SEMA3E: variants seen among roughly 807,000 people sequenced by gnomAD.
SEMA3E encodes the protein semaphorin-3E.
A neutral mutation model predicts 93.6 loss-of-function variants in SEMA3E; 49 were observed. That is an observed-to-expected ratio of 0.52 (90% CI 0.42 to 0.66). SEMA3E has a LOEUF of 0.66. Ranked by LOEUF, SEMA3E falls within the 30% of genes least tolerant of loss-of-function variation. The pLI is 0.00. For missense variants in SEMA3E, 906 were observed against 964.8 expected, an observed-to-expected ratio of 0.94 and a Z score of 0.81; for synonymous variants, 363 against 330.7, an observed-to-expected ratio of 1.10 and a Z score of -1.06.
intron 4 of SEMA3E, among the ~76,000 whole-genome samples, chr7:83,432,686 C>T (rs975322653): frequency 1.3e-5 from 2 of 151,980 alleles, no homozygotes; most frequent in African/African-American, 2.4e-5. Flanking sequence ...TTAATTAGTG[C>T]CATGATTTTG....
At chr7:83,579,336 G>A (rs924800290) in intron 1 of SEMA3E, among the ~76,000 whole-genome samples, 1 of 152,062 alleles carries the variant, frequency 6.6e-6, no homozygotes, top group Non-Finnish European at 1.5e-5. Context: ...TAGCAGAACA[G>A]CTTCAGGTAT....
intron 1 of SEMA3E, among the ~76,000 whole-genome samples, chr7:83,537,088 C>G (rs1791424346): frequency 6.6e-6 from 1 of 151,836 alleles, no homozygotes; most frequent in Non-Finnish European, 1.5e-5. Flanking sequence ...CCTCTCTCTT[C>G]CTCTCTTCCC....
chr7:83,429,208 T>A (rs1020549194), intron 4 of SEMA3E, among the ~76,000 whole-genome samples: 1 of 152,048 alleles, frequency 6.6e-6, no homozygotes, highest in Admixed American at 6.5e-5. Context: ...ATTCAGCACA[T>A]AAATATAATA....
rs559092200 is a variant in SEMA3E, at chr7:83,563,920, T to C, written c.116-73646A>G. Among the ~76,000 whole-genome samples, 5 of 152,276 alleles carry C rather than the reference T, an allele frequency of 3.3e-5. No individual in the cohort carries two copies. The East Asian group carries it at 9.7e-4, about 29-fold the overall frequency. On this transcript the variant is annotated intron_variant, in intron 1 of 16. Coordinates refer to ENST00000643230, the MANE Select transcript of SEMA3E (RefSeq NM_012431.3). ...TCACTTCACCAAAAAATAAATATAA[T>C]TAATCAATTTTAAATTTTATATGAA...
At chr7:83,527,060 A>G (rs2115709580) in intron 1 of SEMA3E, among the ~76,000 whole-genome samples, 1 of 152,164 alleles carries the variant, frequency 6.6e-6, no homozygotes, top group Non-Finnish European at 1.5e-5. Flanking sequence ...CTTGTAAGGG[A>G]AGGGGAATTT....
intron 1 of SEMA3E, among the ~76,000 whole-genome samples, chr7:83,509,035 G>A (rs1790760416): frequency 6.6e-6 from 1 of 152,090 alleles, no homozygotes; most frequent in South Asian, 2.1e-4. Context: ...AGGGCCCCTT[G>A]AGCCCAATTA....
At chr7:83,566,210 G>A (rs1255045271) in intron 1 of SEMA3E, among the ~76,000 whole-genome samples, 3 of 148,832 alleles carry the variant, frequency 2.0e-5, no homozygotes, top group Non-Finnish European at 4.4e-5. Flanking sequence ...GTTTTACCGT[G>A]CTGGTCAGGA....
At chr7:83,632,205 A>C (rs912713178) in intron 1 of SEMA3E, among the ~76,000 whole-genome samples, 13 of 152,240 alleles carry the variant, frequency 8.5e-5, no homozygotes, top group Non-Finnish European at 1.9e-4. Context: ...CTATTCTGTA[A>C]ACAAAGCAAG....
At chr7:83,552,199 C>A (rs949688511) in intron 1 of SEMA3E, among the ~76,000 whole-genome samples, 1 of 152,168 alleles carries the variant, frequency 6.6e-6, no homozygotes, top group African/African-American at 2.4e-5. Context: ...GGACCCTGAA[C>A]AGAGGGACCG....
chr7:83,477,130 C>T (rs896920218), intron 2 of SEMA3E, among the ~76,000 whole-genome samples: 5 of 151,980 alleles, frequency 3.3e-5, no homozygotes, highest in African/African-American at 9.7e-5. Flanking sequence ...AACAAACTAA[C>T]GAATATGAAA....
chr7:83,543,430 CAG>C (rs1169692017), intron 1 of SEMA3E, among the ~76,000 whole-genome samples: 3 of 151,880 alleles, frequency 2.0e-5, no homozygotes, highest in Non-Finnish European at 2.9e-5. Flanking sequence ...TCTCTGATTC[CAG>C]AGAGACTGCC....
intron 1 of SEMA3E, among the ~76,000 whole-genome samples, chr7:83,579,417 G>A (rs548606880): frequency 6.6e-6 from 1 of 152,058 alleles, no homozygotes; most frequent in African/African-American, 2.4e-5. Flanking sequence ...AGAGAAATTT[G>A]TTTTAAAGGA....
intron 1 of SEMA3E, among the ~76,000 whole-genome samples, chr7:83,542,698 T>C (rs1010814916): frequency 2.6e-5 from 4 of 152,084 alleles, no homozygotes; most frequent in African/African-American, 7.2e-5. Context: ...CTAACACAGA[T>C]TGTGTTCTTC....
At chr7:83,559,657 T>A (rs1380822015) in intron 1 of SEMA3E, among the ~76,000 whole-genome samples, 3 of 152,018 alleles carry the variant, frequency 2.0e-5, no homozygotes, top group African/African-American at 7.2e-5. Flanking sequence ...GGATGACAAT[T>A]TGGCAGTTCC....
At chr7:83,573,628 T>C (rs1792333170) in intron 1 of SEMA3E, among the ~76,000 whole-genome samples, 1 of 152,032 alleles carries the variant, frequency 6.6e-6, no homozygotes, top group African/African-American at 2.4e-5. Flanking sequence ...TTCTTCATTA[T>C]TTGCAATTAA....
At chr7:83,623,568 G>T (rs912628639) in intron 1 of SEMA3E, among the ~76,000 whole-genome samples, 2 of 150,632 alleles carry the variant, frequency 1.3e-5, no homozygotes, top group African/African-American at 4.9e-5. Flanking sequence ...TTTCTTAACT[G>T]TCAATAAAAG....
intron 16 of SEMA3E, among the ~76,000 whole-genome samples, chr7:83,373,559 A>G (rs1340508635): frequency 6.6e-6 from 1 of 152,156 alleles, no homozygotes; most frequent in Non-Finnish European, 1.5e-5. Flanking sequence ...ATTGTTTAAA[A>G]GCTCATTCGG....
intron 4 of SEMA3E, among the ~76,000 whole-genome samples, chr7:83,431,426 A>C (rs1384070014): frequency 6.6e-6 from 1 of 152,058 alleles, no homozygotes; most frequent in East Asian, 1.9e-4. Flanking sequence ...AAAATAATAT[A>C]ATATGATTAA....
At chr7:83,596,424 C>T (rs1167186716) in intron 1 of SEMA3E, among the ~76,000 whole-genome samples, 2 of 151,984 alleles carry the variant, frequency 1.3e-5, no homozygotes, top group Admixed American at 6.6e-5. Flanking sequence ...TGCTCCTAGG[C>T]TCTCAGTGGC....
Sources: allele counts gnomAD v4.1 joint callset (sites outside exome capture counted in the v4.1 genomes callset), GRCh38; gene constraint gnomAD v4.1.1; transcripts MANE v1.5; gene names NCBI Gene and HGNC (gene_info 2026-07-23, HGNC 2026-07-21).